Variants in TRIM9 observed in about 807,000 individuals in gnomAD.
The protein encoded by TRIM9 is tripartite motif containing 9.
Under a neutral mutation model 78.3 loss-of-function variants are expected in TRIM9, and 26 were observed. That is an observed-to-expected ratio of 0.33 (90% CI 0.24 to 0.46). TRIM9 has a LOEUF of 0.46. Among genes scored for constraint, TRIM9 ranks in the 20% least tolerant of loss-of-function variants. The pLI, the probability that TRIM9 is intolerant of heterozygous loss-of-function variation, is 1.00. For synonymous variants in TRIM9, 398 were observed against 416.5 expected, an observed-to-expected ratio of 0.96 and a Z score of 0.54; for missense variants, 787 against 1,036.4, an observed-to-expected ratio of 0.76 and a Z score of 3.30.
chr14:50,977,542 G>A lies in TRIM9; in HGVS notation c.2326-189C>T, dbSNP rs112317963. Among the ~76,000 whole-genome samples, 74 of 152,334 alleles carry A rather than the reference G, an allele frequency of 4.9e-4. 1 individual carries two copies. The highest frequency in any genetic ancestry group is 1.7e-3 in the African/African-American group (70 of 41,574). On this transcript the variant is annotated intron_variant, in intron 12 of 12. Coordinates refer to ENST00000684578, the MANE Select transcript of TRIM9 (RefSeq NM_001387360.1). ...GGTAACAGGCTGCTCACCATGGTGG[G>A]CTCTCAAATCCTGGTGACATTTGAT...
At chr14:51,054,297 T>TTTG (rs10641747) in intron 1 of TRIM9, among the ~76,000 whole-genome samples, 7 of 151,110 alleles carry the variant, frequency 4.6e-5, no homozygotes, top group Non-Finnish European at 7.4e-5. Context: ...TTTATACTCA[T>TTTG]TTGTTGTTGT....
At chr14:51,082,893 T>A (rs1352698260) in intron 1 of TRIM9, among the ~76,000 whole-genome samples, 4 of 152,202 alleles carry the variant, frequency 2.6e-5, no homozygotes, top group Non-Finnish European at 5.9e-5. Context: ...GTATAGTGGT[T>A]AAGGCACAGA....
intron 1 of TRIM9, among the ~76,000 whole-genome samples, chr14:51,057,520 T>A (rs2060987954): frequency 6.6e-6 from 1 of 152,232 alleles, no homozygotes; most frequent in Non-Finnish European, 1.5e-5. Flanking sequence ...AAATAAAAGA[T>A]ACTAAATTGA....
chr14:51,007,427 A>G (rs2055961329), intron 5 of TRIM9, among the ~76,000 whole-genome samples: 1 of 152,344 alleles, frequency 6.6e-6, no homozygotes, highest in African/African-American at 2.4e-5. Flanking sequence ...ATTTGTTAAT[A>G]TTAAGAGATG....
At chr14:51,014,027 A>T (rs775735428) in intron 3 of TRIM9, among the ~76,000 whole-genome samples, 1 of 152,226 alleles carries the variant, frequency 6.6e-6, no homozygotes, top group Non-Finnish European at 1.5e-5. Flanking sequence ...GACTACAGGT[A>T]CTGGAAGTCC....
chr14:50,977,754 G>A (rs1375786902), intron 12 of TRIM9, among the ~76,000 whole-genome samples: 1 of 152,186 alleles, frequency 6.6e-6, no homozygotes, highest in Non-Finnish European at 1.5e-5. Context: ...TTGTCCACTA[G>A]TTATTGTAAT....
intron 4 of TRIM9, among the ~76,000 whole-genome samples, chr14:51,010,130 G>GAA (rs58186713): frequency 9.0e-4 from 132 of 147,446 alleles, no homozygotes; most frequent in Middle Eastern, 3.5e-3. Flanking sequence ...AAAAAGAAGC[G>GAA]AAAAAAAAAA....
intron 1 of TRIM9, among the ~76,000 whole-genome samples, chr14:51,069,213 A>C (rs948003303): frequency 2.6e-5 from 4 of 152,224 alleles, no homozygotes; most frequent in Admixed American, 1.3e-4. Context: ...TCCAGAGCCC[A>C]TGCAGCAGTC....
intron 1 of TRIM9, among the ~76,000 whole-genome samples, chr14:51,075,914 G>A (rs188988520): frequency 2.0e-4 from 31 of 152,282 alleles, no homozygotes; most frequent in Admixed American, 2.0e-3. Flanking sequence ...TGATTACACA[G>A]GAATTCAACA....
At chr14:50,999,686 G>C (rs961013308) in intron 6 of TRIM9, among the ~76,000 whole-genome samples, 6 of 152,150 alleles carry the variant, frequency 3.9e-5, no homozygotes, top group African/African-American at 1.4e-4. Context: ...TCACGGGCCT[G>C]AGGTTTTTTT....
rs556987202 is a variant in TRIM9, at chr14:51,026,778, C to T, written c.823-1418G>A. 5.3e-5 allele frequency among the ~76,000 whole-genome samples: 8 copies of T among 152,272 alleles called. No homozygotes were observed. In the South Asian group the frequency reaches 1.2e-3, roughly 24 times the overall value. The stretch of plus-strand genomic sequence containing the variant: ...ATAGGTTTGAAAGGGTGCAGATTCT[C>T]GCTCTATCCCCTATAAGTGTGACCT... On this transcript the variant is annotated intron_variant, in intron 1 of 12. Coordinates refer to ENST00000684578, the MANE Select transcript of TRIM9 (RefSeq NM_001387360.1).
intron 3 of TRIM9, among the ~76,000 whole-genome samples, chr14:51,018,923 T>C (rs1360816404): frequency 2.0e-5 from 3 of 152,196 alleles, no homozygotes; most frequent in Non-Finnish European, 4.4e-5. Context: ...CATTCTAAAA[T>C]ATTAGAGAGA....
At chr14:51,037,086 T>TGA (rs1373718122) in intron 1 of TRIM9, among the ~76,000 whole-genome samples, 7 of 152,222 alleles carry the variant, frequency 4.6e-5, no homozygotes, top group African/African-American at 1.7e-4. Flanking sequence ...GATTTGTCCA[T>TGA]GATTAAGTCA....
intron 12 of TRIM9, chr14:50,979,111 G>C: frequency 7.3e-7 from 1 of 1,368,690 alleles, no homozygotes. Flanking sequence ...GGTGAAACTA[G>C]AGCTACAGAG....
intron 1 of TRIM9, among the ~76,000 whole-genome samples, chr14:51,054,327 T>C (rs1278801809): frequency 1.4e-5 from 2 of 139,034 alleles, no homozygotes; most frequent in East Asian, 2.1e-4. Context: ...GGCTGAAGTA[T>C]AGTGGCTCCA....
chr14:51,080,457 ACACAC>A (rs2063198406), intron 1 of TRIM9, among the ~76,000 whole-genome samples: 2 of 151,698 alleles, frequency 1.3e-5, no homozygotes, highest in Non-Finnish European at 2.9e-5. Flanking sequence ...ACACACACAC[ACACAC>A]ACACACACAC....
intron 1 of TRIM9, among the ~76,000 whole-genome samples, chr14:51,082,278 A>G (rs527524917): frequency 6.6e-6 from 1 of 152,342 alleles, no homozygotes; most frequent in Admixed American, 6.5e-5. Context: ...AATTGAAAAC[A>G]TGTCCACATA....
intron 6 of TRIM9, among the ~76,000 whole-genome samples, chr14:50,999,810 T>C (rs2054709110): frequency 1.3e-5 from 2 of 151,842 alleles, no homozygotes; most frequent in African/African-American, 4.8e-5. Flanking sequence ...GTGGAGAGGA[T>C]GGAAAGTAGG....
chr14:50,992,124 T>C (rs1317993769), intron 7 of TRIM9, among the ~76,000 whole-genome samples: 2 of 152,206 alleles, frequency 1.3e-5, no homozygotes, highest in African/African-American at 4.8e-5. Flanking sequence ...CACACATCAC[T>C]GTCCTCCTTG....
Sources: allele counts gnomAD v4.1 joint callset (sites outside exome capture counted in the v4.1 genomes callset), GRCh38; gene constraint gnomAD v4.1.1; transcripts MANE v1.5; gene names NCBI Gene and HGNC (gene_info 2026-07-23, HGNC 2026-07-21).